The following BTBD9 variants were observed in gnomAD, a reference collection of about 807,000 sequenced individuals.
The protein encoded by BTBD9 is BTB domain containing 9.
A neutral mutation model predicts 64.3 loss-of-function variants in BTBD9; 49 were observed. The ratio of observed to expected loss-of-function variants is 0.76; its 90% CI spans 0.61 to 0.97. The LOEUF (loss-of-function observed/expected upper bound fraction) is 0.97. BTBD9 is among the 50% of genes least tolerant of loss of function. The pLI, the probability that BTBD9 is intolerant of heterozygous loss-of-function variation, is 0.00. For synonymous variants in BTBD9, 260 were observed against 274.7 expected (o/e 0.95, Z 0.53); for missense variants, 598 against 762.1 (o/e 0.78, Z 2.53).
At chr6:38,207,165 T>G (rs1762683962) in intron 9 of BTBD9, 1 of 174,260 alleles carries the variant, frequency 5.7e-6, no homozygotes, top group Non-Finnish European at 1.2e-5. Context: ...TTATGGTAGA[T>G]TCCTATCCTT....
At chr6:38,419,284 G>C (rs1027879514) in intron 6 of BTBD9, among the ~76,000 whole-genome samples, 2 of 152,178 alleles carry the variant, frequency 1.3e-5, no homozygotes, top group Non-Finnish European at 1.5e-5. Context: ...TATTAAACCT[G>C]TTAGGTTGCT....
Position 38,460,109 on chromosome 6 carries a change from C to T in BTBD9, c.1155-115016G>A, listed in dbSNP as rs546198461. On this transcript the variant is annotated intron_variant, in intron 6 of 10. Coordinates refer to ENST00000481247, the MANE Select transcript of BTBD9 (RefSeq NM_001099272.2). ...TTATTTCGGGGAGATAATCTGTTTG[C>T]TTATATTTTAACACCTAAGTTAACA... Among the ~76,000 whole-genome samples, 3 of 152,290 alleles carry T rather than the reference C, an allele frequency of 2.0e-5. No homozygotes were observed. The South Asian group carries it at 6.2e-4, about 32-fold the overall frequency.
intron 6 of BTBD9, among the ~76,000 whole-genome samples, chr6:38,362,375 C>T (rs1014488598): frequency 3.9e-5 from 6 of 152,112 alleles, no homozygotes; most frequent in African/African-American, 1.4e-4. Flanking sequence ...TTTCAAAGTA[C>T]CCATACAGTG....
At chr6:38,376,934 T>TGATA (rs1728143405) in intron 6 of BTBD9, among the ~76,000 whole-genome samples, 1 of 152,242 alleles carries the variant, frequency 6.6e-6, no homozygotes, top group African/African-American at 2.4e-5. Context: ...TCCTACTTGA[T>TGATA]GATATACTTG....
chr6:38,586,607 G>GAAC (rs978357181), intron 4 of BTBD9, among the ~76,000 whole-genome samples: 4 of 152,034 alleles, frequency 2.6e-5, no homozygotes, highest in South Asian at 4.1e-4. Context: ...TCCAGATTCT[G>GAAC]AACAACAACA....
chr6:38,330,457 T>TG (rs1763629181), intron 7 of BTBD9, among the ~76,000 whole-genome samples: 1 of 151,924 alleles, frequency 6.6e-6, no homozygotes, highest in South Asian at 2.1e-4. Context: ...GAGGCTGAGG[T>TG]GAGAGTATCA....
At chr6:38,374,184 G>A (rs4711540) in intron 6 of BTBD9, among the ~76,000 whole-genome samples, 44,442 of 145,760 alleles carry the variant, frequency 0.3, 7,611 homozygotes, top group East Asian at 0.49. Context: ...CAGGAGAATC[G>A]CTTGAAACTG....
chr6:38,275,401 G>T (rs1343934801), intron 8 of BTBD9, among the ~76,000 whole-genome samples: 2 of 152,142 alleles, frequency 1.3e-5, no homozygotes, highest in Non-Finnish European at 2.9e-5. Flanking sequence ...AAGCCTAGAA[G>T]AAAACCTAGG....
chr6:38,503,974 C>G (rs1348502691), intron 6 of BTBD9, among the ~76,000 whole-genome samples: 2 of 152,164 alleles, frequency 1.3e-5, no homozygotes, highest in South Asian at 4.1e-4. Flanking sequence ...GCTAAAAATT[C>G]TTGCCCCTCT....
At chr6:38,584,497 C>T (rs1015501532) in intron 4 of BTBD9, among the ~76,000 whole-genome samples, 7 of 152,188 alleles carry the variant, frequency 4.6e-5, no homozygotes, top group Non-Finnish European at 8.8e-5. Flanking sequence ...CCTAGCTACA[C>T]AGTGCCAAAA....
At chr6:38,561,044 T>C (rs552647945) in intron 6 of BTBD9, among the ~76,000 whole-genome samples, 7 of 152,194 alleles carry the variant, frequency 4.6e-5, no homozygotes, top group Non-Finnish European at 8.8e-5. Flanking sequence ...AATGTACATA[T>C]GCATGCATAT....
At chr6:38,489,233 A>G (rs1771590825) in intron 6 of BTBD9, among the ~76,000 whole-genome samples, 1 of 152,132 alleles carries the variant, frequency 6.6e-6, no homozygotes, top group Admixed American at 6.5e-5. Context: ...CACATATGCC[A>G]TTTGAAAAAT....
At chr6:38,572,235 C>T (rs986893484) in intron 6 of BTBD9, among the ~76,000 whole-genome samples, 1 of 152,126 alleles carries the variant, frequency 6.6e-6, no homozygotes, top group Non-Finnish European at 1.5e-5. Context: ...CCTTGGCAAT[C>T]TTCTTCAGTG....
At chr6:38,273,115 A>G (rs1210429649) in intron 8 of BTBD9, among the ~76,000 whole-genome samples, 1 of 152,174 alleles carries the variant, frequency 6.6e-6, no homozygotes. Flanking sequence ...CCCTGTTCCC[A>G]AGTTGCTTAT....
chr6:38,480,695 G>C (rs1004013017), intron 6 of BTBD9, among the ~76,000 whole-genome samples: 9 of 152,170 alleles, frequency 5.9e-5, no homozygotes, highest in African/African-American at 1.9e-4. Flanking sequence ...AGTGTACTCT[G>C]AGAACCATCT....
At chr6:38,218,501 C>T (rs1763087992) in intron 9 of BTBD9, among the ~76,000 whole-genome samples, 1 of 152,234 alleles carries the variant, frequency 6.6e-6, no homozygotes, top group Non-Finnish European at 1.5e-5. Context: ...TCCTGAACAA[C>T]CCAACCCCTT....
chr6:38,303,271 AG>A (rs1294774133), intron 7 of BTBD9, among the ~76,000 whole-genome samples: 1 of 151,946 alleles, frequency 6.6e-6, no homozygotes, highest in Non-Finnish European at 1.5e-5. Flanking sequence ...TTATTGTTTC[AG>A]GTCTTACTTT....
chr6:38,267,401 T>A (rs1039529760), intron 8 of BTBD9, among the ~76,000 whole-genome samples: 3 of 152,242 alleles, frequency 2.0e-5, no homozygotes, highest in Non-Finnish European at 2.9e-5. Context: ...TTAACATTTA[T>A]GACTCCTGTG....
intron 7 of BTBD9, among the ~76,000 whole-genome samples, chr6:38,328,870 C>A (rs1392936727): frequency 6.6e-6 from 1 of 151,402 alleles, no homozygotes; most frequent in African/African-American, 2.4e-5. Context: ...TGGCGTGAAC[C>A]CGGGAGGTGG....
Sources: gnomAD v4.1 joint callset for allele counts (sites outside exome capture counted in the v4.1 genomes callset) on GRCh38, gnomAD v4.1.1 for gene constraint, MANE v1.5 for transcripts, NCBI Gene and HGNC (gene_info 2026-07-23, HGNC 2026-07-21) for gene names.